The following PPP1R9A variants were observed in gnomAD, a reference collection of about 807,000 sequenced individuals.
PPP1R9A encodes the protein neurabin-1.
PPP1R9A carries 59 observed loss-of-function variants against 141.9 expected under a neutral mutation model. The observed-to-expected ratio is 0.42, with a 90% CI of 0.34 to 0.52. The LOEUF (loss-of-function observed/expected upper bound fraction) is 0.52, where lower values mean the gene tolerates loss of function less well. Among genes scored for constraint, PPP1R9A ranks in the 20% least tolerant of loss-of-function variants. The probability of loss-of-function intolerance (pLI) is 0.10; values close to 1 mark genes in which losing one functional copy is unlikely to be tolerated. For synonymous variants in PPP1R9A, 500 were observed against 569.7 expected, an observed-to-expected ratio of 0.88 and a Z score of 1.74; for missense variants, 1,444 against 1,611.9, an observed-to-expected ratio of 0.90 and a Z score of 1.78.
intron 5 of PPP1R9A, among the ~76,000 whole-genome samples, chr7:95,170,477 T>G (rs1319260268): frequency 6.6e-6 from 1 of 151,392 alleles, no homozygotes. Flanking sequence ...AAGAAGAAAA[T>G]TATAAAAGCA....
At chr7:95,031,006 C>T (rs1217274070) in intron 2 of PPP1R9A, among the ~76,000 whole-genome samples, 1 of 152,016 alleles carries the variant, frequency 6.6e-6, no homozygotes, top group Non-Finnish European at 1.5e-5. Context: ...CTGGGAACCT[C>T]GTGTGGGAAA....
chr7:95,024,331 G>C (rs2106499), intron 2 of PPP1R9A, among the ~76,000 whole-genome samples: 55,501 of 151,948 alleles, frequency 0.37, 11,318 homozygotes, highest in Middle Eastern at 0.5. Flanking sequence ...GAATATCCTT[G>C]TTAATTTTCT....
At chr7:95,104,691 G>C (rs906247704) in intron 2 of PPP1R9A, among the ~76,000 whole-genome samples, 1 of 152,106 alleles carries the variant, frequency 6.6e-6, no homozygotes, top group Non-Finnish European at 1.5e-5. Context: ...ACCTATTGTC[G>C]ATCAGTGAAC....
intron 18 of PPP1R9A, 105 bp downstream of exon 18, chr7:95,286,430 T>C (rs969546582): frequency 9.3e-6 from 14 of 1,499,778 alleles, no homozygotes; most frequent in Non-Finnish European, 1.2e-5. Flanking sequence ...ATAGAAATCA[T>C]CAGGACTGTG....
chr7:95,237,462 C>T (rs1796867035), intron 8 of PPP1R9A, among the ~76,000 whole-genome samples: 1 of 151,812 alleles, frequency 6.6e-6, no homozygotes, highest in Admixed American at 6.6e-5. Context: ...TGCCAAAGTG[C>T]TAGGATTACA....
rs1027991925 is a variant in PPP1R9A at position 95,296,307 on chromosome 7, C to T, written c.*6004C>T. 5 of 152,576 alleles carry T rather than the reference C, an allele frequency of 3.3e-5. No individual in the cohort carries two copies. Among genetic ancestry groups the T allele is most frequent in the African/African-American group, 7.2e-5 (3 of 41,434 alleles). The allele number at this position is 152,576 out of a possible 1,614,324, so 9.5% of individuals were successfully genotyped here. A position where few individuals can be genotyped will look rare whatever the true frequency, so the allele number is the denominator to read the frequency against. ...TTGTTTTCTGACCAATCTAACAATA[C>T]CTGTGATTAAATTTAATTTGTTAGT... On this transcript the variant is annotated 3_prime_UTR_variant, in exon 20 of 20. Transcript: ENST00000433360.
intron 2 of PPP1R9A, among the ~76,000 whole-genome samples, chr7:94,980,581 G>A (rs1205182703): frequency 6.6e-6 from 1 of 150,740 alleles, no homozygotes; most frequent in South Asian, 2.1e-4. Context: ...GACTACAGGC[G>A]CATGCTACCA....
At chr7:95,183,380 T>A (rs113133353) in intron 5 of PPP1R9A, among the ~76,000 whole-genome samples, 10,663 of 151,524 alleles carry the variant, frequency 0.07, 910 homozygotes, top group African/African-American at 0.2. Flanking sequence ...CCTCAGGTGA[T>A]CTGCCCACCT....
At position 94,922,038 on chromosome 7, in the gene PPP1R9A, C is replaced by T. The variant is rs146419168; in HGVS notation, c.1395+10530C>T. Among the ~76,000 whole-genome samples, 118 of 150,676 alleles carry T rather than the reference C, an allele frequency of 7.8e-4. No homozygotes were observed. In the East Asian group the frequency reaches 0.019, roughly 25 times the overall value. On this transcript the variant is annotated intron_variant, in intron 2 of 19. Coordinates refer to ENST00000433360, the MANE Select transcript of PPP1R9A (RefSeq NM_001166160.2). Reference sequence around the variant, plus strand: ...GTATTATATACAGTTTCTTGCTTAGCGTCTAGAATTACCTATTATTTAGGA... The same window carrying T: ...GTATTATATACAGTTTCTTGCTTAGTGTCTAGAATTACCTATTATTTAGGA...
intron 3 of PPP1R9A, among the ~76,000 whole-genome samples, chr7:95,119,183 G>A (rs1387741471): frequency 1.3e-5 from 2 of 151,884 alleles, no homozygotes; most frequent in Non-Finnish European, 2.9e-5. Context: ...GAGGCTATCA[G>A]AAAATAACCT....
chr7:95,182,985 ATGT>A (rs780207519), intron 5 of PPP1R9A, among the ~76,000 whole-genome samples: 8 of 152,182 alleles, frequency 5.3e-5, no homozygotes, highest in Non-Finnish European at 7.3e-5. Flanking sequence ...AAGCAGAGAA[ATGT>A]TGTTCCTGGA....
At position 95,269,512 on chromosome 7, in the gene PPP1R9A, T is replaced by C. The variant is rs1801829369; in HGVS notation, c.3124+5T>C. On this transcript the variant is annotated splice_donor_5th_base_variant and intron_variant, in intron 14 of 19. Transcript: ENST00000433360. ...AGAAAATATTACGAGAAAAAGGTATTGTTAATTTCTTTTTCTGACTTCATA... is the reference window on the plus strand; with the variant it reads ...AGAAAATATTACGAGAAAAAGGTATCGTTAATTTCTTTTTCTGACTTCATA... The C allele has an allele frequency of 2.6e-6, 4 of 1,550,488 alleles. No homozygotes were observed. Among genetic ancestry groups the C allele is most frequent in the Non-Finnish European group, 3.5e-6 (4 of 1,139,438 alleles).
At chr7:95,165,691 A>C (rs576845047) in intron 5 of PPP1R9A, among the ~76,000 whole-genome samples, 1 of 152,324 alleles carries the variant, frequency 6.6e-6, no homozygotes, top group South Asian at 2.1e-4. Flanking sequence ...ACAAAAACTG[A>C]AAATGTGGGA....
At chr7:95,056,812 A>G (rs1359431896) in intron 2 of PPP1R9A, among the ~76,000 whole-genome samples, 1 of 152,138 alleles carries the variant, frequency 6.6e-6, no homozygotes, top group Non-Finnish European at 1.5e-5. Flanking sequence ...AGAAGCTCCT[A>G]AGAAAAAATG....
intron 2 of PPP1R9A, chr7:95,035,627 C>T (rs1808328926): frequency 6.6e-6 from 1 of 152,024 alleles, no homozygotes; most frequent in Non-Finnish European, 1.5e-5. Context: ...TTCTTTTGGT[C>T]CATATTAGAT....
chr7:95,066,444 C>G (rs1232017112), intron 2 of PPP1R9A, among the ~76,000 whole-genome samples: 2 of 151,390 alleles, frequency 1.3e-5, no homozygotes, highest in East Asian at 3.9e-4. Context: ...TAAGATAACC[C>G]AAAGGAAAAA....
intron 2 of PPP1R9A, among the ~76,000 whole-genome samples, chr7:94,930,928 T>C (rs887630746): frequency 2.0e-5 from 3 of 152,232 alleles, no homozygotes; most frequent in African/African-American, 7.2e-5. Context: ...AAAGAACCAG[T>C]GCTGGGCTTA....
chr7:94,975,346 G>GTTTTT (rs67413314), intron 2 of PPP1R9A, among the ~76,000 whole-genome samples: 2 of 128,552 alleles, frequency 1.6e-5, no homozygotes, highest in Non-Finnish European at 3.3e-5. Flanking sequence ...ACAGGCTGTA[G>GTTTTT]TTTTTTTTTG....
intron 2 of PPP1R9A, among the ~76,000 whole-genome samples, chr7:94,983,372 C>A (rs1212779053): frequency 2.0e-5 from 3 of 152,082 alleles, no homozygotes; most frequent in Admixed American, 6.6e-5. Flanking sequence ...TGAAGAAAGT[C>A]ATTGGTAGCT....
Sources: gnomAD v4.1 joint callset for allele counts (sites outside exome capture counted in the v4.1 genomes callset) on GRCh38, gnomAD v4.1.1 for gene constraint, MANE v1.5 for transcripts, NCBI Gene and HGNC (gene_info 2026-07-23, HGNC 2026-07-21) for gene names.